Variants in TRAPPC9 observed in about 807,000 individuals in gnomAD.
TRAPPC9 encodes trafficking protein particle complex subunit 9.
In TRAPPC9, 83 loss-of-function variants were observed where a neutral mutation model predicts 124.0. The observed-to-expected ratio is 0.67, with a 90% CI of 0.56 to 0.80. TRAPPC9 has a LOEUF of 0.80. Among genes scored for constraint, TRAPPC9 ranks in the 30% least tolerant of loss-of-function variants. TRAPPC9 has a pLI of 0.00. For synonymous variants in TRAPPC9, 638 were observed against 617.5 expected, an observed-to-expected ratio of 1.03 and a Z score of -0.49; for missense variants, 1,302 against 1,508.3, an observed-to-expected ratio of 0.86 and a Z score of 2.27.
intron 19 of TRAPPC9, among the ~76,000 whole-genome samples, chr8:139,926,617 A>AAC (rs1374658645): frequency 1.3e-5 from 2 of 151,542 alleles, no homozygotes; most frequent in African/African-American, 4.8e-5. Context: ...TAAAAAAAAA[A>AAC]AAAAAACTCC....
intron 9 of TRAPPC9, among the ~76,000 whole-genome samples, chr8:140,337,602 C>A (rs1338205037): frequency 6.6e-6 from 1 of 152,184 alleles, no homozygotes; most frequent in Non-Finnish European, 1.5e-5. Flanking sequence ...TCCAGATGCG[C>A]CTCCCTCCGG....
At chr8:140,349,107 G>A (rs1358486269) in intron 9 of TRAPPC9, among the ~76,000 whole-genome samples, 1 of 137,064 alleles carries the variant, frequency 7.3e-6, no homozygotes, top group Admixed American at 7.1e-5. Flanking sequence ...GGCAAGCGGG[G>A]GGGCTGAAGA....
intron 2 of TRAPPC9, among the ~76,000 whole-genome samples, chr8:140,446,025 G>C (rs2071239711): frequency 6.6e-6 from 1 of 152,212 alleles, no homozygotes; most frequent in African/African-American, 2.4e-5. Context: ...TGGTGCAGTG[G>C]CTCATGCCTA....
At chr8:139,970,402 C>T (rs910390218) in intron 19 of TRAPPC9, among the ~76,000 whole-genome samples, 1 of 152,116 alleles carries the variant, frequency 6.6e-6, no homozygotes. Context: ...CATTTGAGGA[C>T]TCAAGAATGG....
chr8:140,351,566 C>A (rs1245852969), intron 9 of TRAPPC9, among the ~76,000 whole-genome samples: 1 of 152,046 alleles, frequency 6.6e-6, no homozygotes, highest in Non-Finnish European at 1.5e-5. Flanking sequence ...CCCAAGAGGA[C>A]AAGACCAGCC....
intron 3 of TRAPPC9, 83 bp downstream of exon 3, chr8:140,438,969 C>T (rs1469541688): frequency 9.5e-6 from 15 of 1,575,490 alleles, no homozygotes; most frequent in African/African-American, 8.1e-5. Context: ...GGATTACAGG[C>T]GTGAGCCACC....
At chr8:139,779,473 CT>C (rs1173999666) in intron 21 of TRAPPC9, among the ~76,000 whole-genome samples, 1 of 152,118 alleles carries the variant, frequency 6.6e-6, no homozygotes, top group East Asian at 1.9e-4. Context: ...AGATTTTCTT[CT>C]TGAAATCTCT....
chr8:139,886,772 G>A (rs1455071835), intron 20 of TRAPPC9, among the ~76,000 whole-genome samples: 2 of 152,220 alleles, frequency 1.3e-5, no homozygotes, highest in Non-Finnish European at 2.9e-5. Flanking sequence ...AGCAGGTGGT[G>A]TGGCCTTGAG....
intron 21 of TRAPPC9, among the ~76,000 whole-genome samples, chr8:139,792,574 A>G (rs985924626): frequency 6.6e-6 from 1 of 152,186 alleles, no homozygotes; most frequent in Non-Finnish European, 1.5e-5. Flanking sequence ...GGGGTAGGCC[A>G]GGGCCAGGCT....
At chr8:140,050,106 A>C (rs114973890) in intron 17 of TRAPPC9, among the ~76,000 whole-genome samples, 2,785 of 152,278 alleles carry the variant, frequency 0.018, 78 homozygotes, top group African/African-American at 0.064. Context: ...CCATGTTGAT[A>C]GTGGGGCCAC....
At position 140,036,617 on chromosome 8, in the gene TRAPPC9, C is replaced by T. The variant is rs190197500; in HGVS notation, c.2557-12538G>A. On this transcript the variant is annotated intron_variant, in intron 17 of 22. Coordinates refer to ENST00000438773, the MANE Select transcript of TRAPPC9 (RefSeq NM_001160372.4). ...ACAGGAAGTTTGAGATTCCGAAGGACATCCAAGTGATGACAGTGTGACACA... is the reference window on the plus strand; with the variant it reads ...ACAGGAAGTTTGAGATTCCGAAGGATATCCAAGTGATGACAGTGTGACACA... Among the ~76,000 whole-genome samples the T allele has an allele frequency of 1.5e-3, 230 of 152,272 alleles. 1 individual carries two copies. Among genetic ancestry groups the T allele is most frequent in the African/African-American group, 5.1e-3 (212 of 41,556 alleles).
At chr8:140,010,573 T>C (rs1839054479) in intron 18 of TRAPPC9, among the ~76,000 whole-genome samples, 1 of 152,174 alleles carries the variant, frequency 6.6e-6, no homozygotes, top group Non-Finnish European at 1.5e-5. Flanking sequence ...ATGCAAATGT[T>C]CAGTAAACAT....
chr8:139,871,709 C>G (rs1828913251), intron 21 of TRAPPC9, among the ~76,000 whole-genome samples: 2 of 152,314 alleles, frequency 1.3e-5, no homozygotes, highest in East Asian at 3.9e-4. Flanking sequence ...CAGAGGCAGC[C>G]CCCCTGAGTC....
chr8:139,807,260 G>A (rs1033206557), intron 21 of TRAPPC9, among the ~76,000 whole-genome samples: 6 of 152,172 alleles, frequency 3.9e-5, no homozygotes, highest in Admixed American at 1.3e-4. Context: ...AGGCCACAGC[G>A]GTGCAGGTCA....
At chr8:140,055,463 A>T (rs1455405090) in intron 17 of TRAPPC9, among the ~76,000 whole-genome samples, 1 of 152,268 alleles carries the variant, frequency 6.6e-6, no homozygotes, top group Non-Finnish European at 1.5e-5. Flanking sequence ...TCAGGAATGA[A>T]GCAAGGATGA....
chr8:140,257,949 C>G lies in TRAPPC9; in HGVS notation c.2279-5020G>C, dbSNP rs1405407994. Among the ~76,000 whole-genome samples the G allele has an allele frequency of 6.6e-6, 1 of 152,176 alleles. No homozygotes were observed. Among genetic ancestry groups the G allele is most frequent in the Non-Finnish European group, 1.5e-5 (1 of 68,032 alleles). The stretch of plus-strand genomic sequence containing the variant: ...TCCTTTGGCAAAGTAAGTAGTCATT[C>G]TTCAGATAAATATTTATTGAGTGTC... On this transcript the variant is annotated intron_variant, in intron 15 of 22. Coordinates refer to ENST00000438773, the MANE Select transcript of TRAPPC9 (RefSeq NM_001160372.4). The surrounding 1 kb of genome is among the most constrained non-coding windows in gnomAD (Gnocchi z 4.6).
At chr8:139,966,739 C>T (rs183469751) in intron 19 of TRAPPC9, among the ~76,000 whole-genome samples, 14 of 152,014 alleles carry the variant, frequency 9.2e-5, no homozygotes, top group Non-Finnish European at 1.5e-5. Context: ...CTCAATAAAC[C>T]CCAATGAAAA....
At position 139,787,630 on chromosome 8, in the gene TRAPPC9, T is replaced by C. The variant is rs568592163; in HGVS notation, c.3056-55428A>G. On this transcript the variant is annotated intron_variant, in intron 21 of 22. Coordinates refer to ENST00000438773, the MANE Select transcript of TRAPPC9 (RefSeq NM_001160372.4). ...GATATACACAGAATTTCTTTCTACA[T>C]GGTTATTAGGTTAATAGTTAAAAAC... Among the ~76,000 whole-genome samples the C allele has an allele frequency of 2.0e-3, 298 of 152,340 alleles. 2 individuals are homozygous for C. Among genetic ancestry groups the C allele is most frequent in the African/African-American group, 6.9e-3 (286 of 41,580 alleles).
chr8:140,092,017 T>C (rs533814711), intron 17 of TRAPPC9, among the ~76,000 whole-genome samples: 2 of 145,628 alleles, frequency 1.4e-5, no homozygotes, highest in Admixed American at 1.4e-4. Flanking sequence ...GTCTCCTCAG[T>C]CTAGAAACTC....
Sources: allele counts gnomAD v4.1 joint callset (sites outside exome capture counted in the v4.1 genomes callset), GRCh38; gene constraint gnomAD v4.1.1; non-coding constraint Gnocchi (gnomAD v3.1); transcripts MANE v1.5; gene names NCBI Gene and HGNC (gene_info 2026-07-23, HGNC 2026-07-21).